The following FAM168A variants were observed in gnomAD, a reference collection of about 807,000 sequenced individuals.
FAM168A encodes the protein family with sequence similarity 168 member A.
FAM168A carries 3 observed loss-of-function variants against 28.5 expected under a neutral mutation model. The observed-to-expected ratio is 0.11, with a 90% CI of 0.05 to 0.27. The LOEUF is 0.27. FAM168A is among the 10% of genes least tolerant of loss of function. The probability of loss-of-function intolerance (pLI) is 1.00; values close to 1 mark genes in which losing one functional copy is unlikely to be tolerated. For synonymous variants in FAM168A, 122 were observed against 124.2 expected (o/e 0.98, Z 0.12); for missense variants, 222 against 311.5 (o/e 0.71, Z 2.16).
chr11:73,568,215 C>T (rs1013281344), intron 1 of FAM168A, among the ~76,000 whole-genome samples: 8 of 152,198 alleles, frequency 5.3e-5, no homozygotes, highest in African/African-American at 1.9e-4. Context: ...AGGCCCAGGA[C>T]TGTAGCCAAC....
intron 1 of FAM168A, among the ~76,000 whole-genome samples, chr11:73,470,718 T>C (rs1867802501): frequency 6.6e-6 from 1 of 152,208 alleles, no homozygotes; most frequent in African/African-American, 2.4e-5. Flanking sequence ...TCCAAAACTA[T>C]AAGCCAATAC....
rs556254681 is a variant in FAM168A, at chr11:73,491,919, A to C, written c.-18-23427T>G. The stretch of plus-strand genomic sequence containing the variant: ...TAAAGTCCTTGGAATACAAAGGCCA[A>C]GTATGATTCTTCTTTCCATTCCTCC... On this transcript the variant is annotated intron_variant, in intron 1 of 7. Coordinates refer to ENST00000356467, the MANE Select transcript of FAM168A (RefSeq NM_015159.3). Among the ~76,000 whole-genome samples, 11 of 152,374 alleles carry C rather than the reference A, an allele frequency of 7.2e-5. No homozygotes were observed. In the South Asian group the frequency reaches 2.3e-3, roughly 32 times the overall value.
intron 2 of FAM168A, among the ~76,000 whole-genome samples, chr11:73,437,167 G>A (rs1191614565): frequency 2.0e-5 from 3 of 151,592 alleles, no homozygotes; most frequent in South Asian, 2.1e-4. Context: ...GCGCTATCTC[G>A]GCTTACTGCA....
At chr11:73,499,242 G>A (rs938603800) in intron 1 of FAM168A, among the ~76,000 whole-genome samples, 2 of 151,926 alleles carry the variant, frequency 1.3e-5, no homozygotes, top group African/African-American at 4.8e-5. Flanking sequence ...GTGAACCCCC[G>A]GCAAACTGCA....
At chr11:73,408,574 T>C (rs1866550477) in intron 6 of FAM168A, among the ~76,000 whole-genome samples, 1 of 151,548 alleles carries the variant, frequency 6.6e-6, no homozygotes, top group Non-Finnish European at 1.5e-5. Context: ...AGCCCAAGAG[T>C]TCAAGACCAG....
chr11:73,565,069 G>T (rs1944006631), intron 1 of FAM168A, among the ~76,000 whole-genome samples: 1 of 152,100 alleles, frequency 6.6e-6, no homozygotes, highest in African/African-American at 2.4e-5. Flanking sequence ...CAAGGGAAGT[G>T]ACTGCCACAG....
rs1396484084 is a variant in FAM168A, at chr11:73,596,325, A to G, written c.-19+1598T>C. Among the ~76,000 whole-genome samples the G allele has an allele frequency of 2.0e-5, 3 of 152,178 alleles. No homozygotes were observed. The South Asian group carries it at 6.2e-4, about 32-fold the overall frequency. ...AAGAAAAGGCAGAGACATCATATAGAAAGATATCCATTACATTCCAGTTTA... is the reference window on the plus strand; with the variant it reads ...AAGAAAAGGCAGAGACATCATATAGGAAGATATCCATTACATTCCAGTTTA... On this transcript the variant is annotated intron_variant, in intron 1 of 7. Coordinates refer to ENST00000356467, the MANE Select transcript of FAM168A (RefSeq NM_015159.3).
chr11:73,515,927 C>T (rs957521304), intron 1 of FAM168A, among the ~76,000 whole-genome samples: 30 of 151,828 alleles, frequency 2.0e-4, no homozygotes, highest in African/African-American at 7.3e-4. Context: ...GTGGTGAAAC[C>T]CCGTCTCTAC....
At position 73,445,419 on chromosome 11, in the gene FAM168A, C is replaced by CTTTTTTTTTTTTTTTTTTTTTTTTTTT. The variant is rs56294455; in HGVS notation, c.71-14676_71-14650dup. Among the ~76,000 whole-genome samples, 13 of 50,460 alleles carry CTTTTTTTTTTTTTTTTTTTTTTTTTTT rather than the reference C, an allele frequency of 2.6e-4. 1 individual carries two copies. Among genetic ancestry groups the CTTTTTTTTTTTTTTTTTTTTTTTTTTT allele is most frequent in the African/African-American group, 7.8e-4 (11 of 14,032 alleles). 33.1% of individuals were successfully genotyped at this position (50,460 alleles called of 152,430 possible). On this transcript the variant is annotated intron_variant, in intron 2 of 7. Transcript: ENST00000356467. ...CCAGTAGATATATGTAAAAATGTCT[C>CTTTTTTTTTTTTTTTTTTTTTTTTTTT]TTTTTTTTTTTTTTTTTTTTTTTTT...
intron 1 of FAM168A, among the ~76,000 whole-genome samples, chr11:73,485,844 A>T (rs1868046316): frequency 6.6e-6 from 1 of 152,094 alleles, no homozygotes; most frequent in Non-Finnish European, 1.5e-5. Flanking sequence ...CTACTACCTA[A>T]GTTTAATAAA....
intron 1 of FAM168A, among the ~76,000 whole-genome samples, chr11:73,561,873 C>T (rs553060311): frequency 6.6e-6 from 1 of 152,178 alleles, no homozygotes; most frequent in South Asian, 2.1e-4. Context: ...CCTTTTATCC[C>T]ATACGATTCT....
chr11:73,491,397 TGA>T (rs369453663), intron 1 of FAM168A, among the ~76,000 whole-genome samples: 13 of 152,248 alleles, frequency 8.5e-5, no homozygotes, highest in African/African-American at 3.1e-4. Flanking sequence ...CTCTCTGGAC[TGA>T]GAGTTCCTAG....
rs1866972306 is a variant in FAM168A, at chr11:73,430,681, C to T, written c.151+9G>A. 1 of 1,612,612 alleles carries T rather than the reference C, an allele frequency of 6.2e-7. No individual in the cohort carries two copies. Among genetic ancestry groups the T allele is most frequent in the Non-Finnish European group, 8.5e-7 (1 of 1,178,980 alleles). On this transcript the variant is annotated intron_variant, in intron 3 of 7. Transcript: ENST00000356467. The stretch of plus-strand genomic sequence containing the variant: ...TCCATTCGCCACTGCTGTCCCATTT[C>T]CTCCTTACCTGGAGCATAACTGGGA...
chr11:73,409,439 G>C, intron 6 of FAM168A, 48 bp downstream of exon 6: 1 of 1,606,452 alleles, frequency 6.2e-7, no homozygotes, highest in Non-Finnish European at 8.5e-7. Context: ...GCTCCGTTTT[G>C]AGTTCCTAGA....
chr11:73,430,674 C>A lies in FAM168A; in HGVS notation c.151+16G>T. On this transcript the variant is annotated intron_variant, in intron 3 of 7. Coordinates refer to ENST00000356467, the MANE Select transcript of FAM168A (RefSeq NM_015159.3). ...TTCCCACTCCATTCGCCACTGCTGTCCCATTTCCTCCTTACCTGGAGCATA... is the reference window on the plus strand; with the variant it reads ...TTCCCACTCCATTCGCCACTGCTGTACCATTTCCTCCTTACCTGGAGCATA... 6.2e-7 allele frequency: 1 copy of A among 1,611,442 alleles called. No homozygotes were observed. The highest frequency in any genetic ancestry group is 1.1e-5 in the South Asian group (1 of 91,008).
At chr11:73,536,106 A>G (rs1943577165) in intron 1 of FAM168A, among the ~76,000 whole-genome samples, 1 of 152,146 alleles carries the variant, frequency 6.6e-6, no homozygotes, top group Admixed American at 6.5e-5. Context: ...TCAGCTTCCC[A>G]AAGTGTTAGG....
At chr11:73,521,231 T>C (rs1316378903) in intron 1 of FAM168A, among the ~76,000 whole-genome samples, 1 of 152,178 alleles carries the variant, frequency 6.6e-6, no homozygotes, top group African/African-American at 2.4e-5. Context: ...GTTAGCCCCA[T>C]AAAAGAAATC....
intron 4 of FAM168A, 81 bp from the exon 5 acceptor site, chr11:73,411,617 C>T (rs778982542): frequency 2.1e-6 from 3 of 1,441,228 alleles, no homozygotes; most frequent in Non-Finnish European, 2.9e-6. Context: ...AGTCACGACT[C>T]CCCAGACAAA....
At chr11:73,587,428 G>A (rs1452025167) in intron 1 of FAM168A, among the ~76,000 whole-genome samples, 1 of 151,602 alleles carries the variant, frequency 6.6e-6, no homozygotes, top group African/African-American at 2.4e-5. Flanking sequence ...GGAAGCGGAG[G>A]TTGCAGTGAG....
Sources: allele counts gnomAD v4.1 joint callset (sites outside exome capture counted in the v4.1 genomes callset), GRCh38; gene constraint gnomAD v4.1.1; transcripts MANE v1.5; gene names NCBI Gene and HGNC (gene_info 2026-07-23, HGNC 2026-07-21).